The following DISC1 variants were observed in gnomAD, a reference collection of about 807,000 sequenced individuals.
The protein encoded by DISC1 is DISC1 scaffold protein.
In DISC1, 57 loss-of-function variants were observed where a neutral mutation model predicts 84.5. That is an observed-to-expected ratio of 0.67 (90% confidence interval 0.55 to 0.84). The LOEUF (loss-of-function observed/expected upper bound fraction) is 0.84, where lower values mean the gene tolerates loss of function less well. Ranked by LOEUF, DISC1 falls within the 40% of genes least tolerant of loss-of-function variation. The pLI is 0.00. For synonymous variants in DISC1, 411 were observed against 415.2 expected (o/e 0.99, Z 0.12); for missense variants, 1,000 against 1,057.8 (o/e 0.95, Z 0.76).
intron 1 of DISC1, among the ~76,000 whole-genome samples, chr1:231,667,548 CT>C: frequency 6.6e-6 from 1 of 152,310 alleles, no homozygotes; most frequent in East Asian, 1.9e-4. Flanking sequence ...CCAATTCAGC[CT>C]TCTTACTGAC....
chr1:231,800,182 G>A lies in DISC1; in HGVS notation c.1764G>A (p.Leu588=), dbSNP rs1268141575. 4 of 1,612,070 alleles carry A rather than the reference G, an allele frequency of 2.5e-6. No individual in the cohort carries two copies. Among genetic ancestry groups the A allele is most frequent in the Non-Finnish European group, 3.4e-6 (4 of 1,179,698 alleles). The change falls in exon 8 of 13, where the codon TTG becomes TTA. Residue 588 remains leucine, a synonymous_variant. Coordinates refer to ENST00000439617, the MANE Select transcript of DISC1 (RefSeq NM_018662.3). ...ATATTGAAACCCAACTACCAGCCTT[G>A]CTTGAAGCCAAAATGCATGCCATAT... ...VNDIETQLPA[L]LEAKMHAISG... is the part of the protein sequence containing the mutation.
At chr1:231,912,457 G>A (rs2089285371) in intron 9 of DISC1, among the ~76,000 whole-genome samples, 1 of 152,214 alleles carries the variant, frequency 6.6e-6, no homozygotes, top group African/African-American at 2.4e-5. Context: ...TCCAGACCCT[G>A]TTTACCTGGG....
intron 6 of DISC1, among the ~76,000 whole-genome samples, chr1:231,772,344 CGAATGGGTA>C (rs1467322026): frequency 1.3e-5 from 2 of 152,078 alleles, no homozygotes; most frequent in Admixed American, 6.5e-5. Flanking sequence ...GAGTGGCACC[CGAATGGGTA>C]GATGAGCAGT....
At chr1:231,844,586 C>A (rs1469743408) in intron 9 of DISC1, among the ~76,000 whole-genome samples, 5 of 152,052 alleles carry the variant, frequency 3.3e-5, no homozygotes, top group African/African-American at 1.2e-4. Flanking sequence ...CAACTTGAAG[C>A]AAGTTGGGCG....
chr1:231,982,730 A>C (rs1366963723), intron 10 of DISC1, among the ~76,000 whole-genome samples: 1 of 152,020 alleles, frequency 6.6e-6, no homozygotes, highest in African/African-American at 2.4e-5. Flanking sequence ...ATTTCAGGTC[A>C]TTGCAGGCAG....
rs199709640 is a variant in DISC1, at chr1:231,850,840, C to T, written c.1981+32323C>T. 4.6e-5 allele frequency among the ~76,000 whole-genome samples: 7 copies of T among 152,164 alleles called. No individual in the cohort carries two copies. In the South Asian group the frequency reaches 6.2e-4, roughly 14 times the overall value. On this transcript the variant is annotated intron_variant, in intron 9 of 12. Coordinates refer to ENST00000439617, the MANE Select transcript of DISC1 (RefSeq NM_018662.3). ...ATCTCTTGCTTTTGGGAAAGTCCGA[C>T]GCTCTGGCTCTCTGCTATCTGTTCA...
chr1:231,904,023 A>G (rs1288561439), intron 9 of DISC1, among the ~76,000 whole-genome samples: 2 of 152,206 alleles, frequency 1.3e-5, no homozygotes, highest in Non-Finnish European at 2.9e-5. Context: ...CATGGGAGCC[A>G]GGACACTGGC....
intron 1 of DISC1, among the ~76,000 whole-genome samples, chr1:231,640,112 C>A (rs1202327939): frequency 6.6e-6 from 1 of 152,160 alleles, no homozygotes; most frequent in Non-Finnish European, 1.5e-5. Context: ...GCTTGAGGTT[C>A]TCAGAGAATT....
chr1:231,900,578 T>C (rs1454440053), intron 9 of DISC1, among the ~76,000 whole-genome samples: 2 of 152,218 alleles, frequency 1.3e-5, no homozygotes, highest in African/African-American at 4.8e-5. Context: ...TGAACCGTTA[T>C]ATTCGGTATA....
rs564061030 is a variant in DISC1 at position 231,816,076 on chromosome 1, G to A, written c.1793-2253G>A. Among the ~76,000 whole-genome samples the A allele has an allele frequency of 1.1e-4, 16 of 152,332 alleles. No homozygotes were observed. The East Asian group carries it at 2.7e-3, about 26-fold the overall frequency. On this transcript the variant is annotated intron_variant, in intron 8 of 12. Transcript: ENST00000439617. Reference sequence around the variant, plus strand: ...TTCTTGAAGGGACCATTTTACATGCGTGAGAGTTCCAGTTGCTCCATACCC... The same window carrying A: ...TTCTTGAAGGGACCATTTTACATGCATGAGAGTTCCAGTTGCTCCATACCC...
chr1:231,932,073 A>C (rs191168418), intron 9 of DISC1, among the ~76,000 whole-genome samples: 1 of 152,350 alleles, frequency 6.6e-6, no homozygotes, highest in Admixed American at 6.5e-5. Flanking sequence ...AGTCTCTAGC[A>C]TTAACTCAGT....
chr1:232,020,295 T>C (rs2103026810), intron 11 of DISC1, among the ~76,000 whole-genome samples: 1 of 152,096 alleles, frequency 6.6e-6, no homozygotes, highest in Admixed American at 6.6e-5. Flanking sequence ...TGAGCCGAGA[T>C]CACGCCATTG....
chr1:231,741,057 A>T (rs200749939), intron 3 of DISC1, among the ~76,000 whole-genome samples: 24 of 152,200 alleles, frequency 1.6e-4, no homozygotes, highest in Non-Finnish European at 2.9e-4. Context: ...GAGTGTTAGG[A>T]AGGTCGCTCT....
chr1:231,942,650 G>C (rs1405062834), intron 9 of DISC1, among the ~76,000 whole-genome samples: 1 of 152,120 alleles, frequency 6.6e-6, no homozygotes, highest in Non-Finnish European at 1.5e-5. Context: ...GGGCAACAGA[G>C]TGAGACTGTC....
chr1:231,691,389 C>T (rs975495042), intron 1 of DISC1, among the ~76,000 whole-genome samples: 1 of 151,740 alleles, frequency 6.6e-6, no homozygotes. Flanking sequence ...TGAGATTGTG[C>T]CACTGCACTC....
chr1:231,737,768 C>G (rs2072708442), intron 3 of DISC1, among the ~76,000 whole-genome samples: 2 of 152,252 alleles, frequency 1.3e-5, no homozygotes, highest in Non-Finnish European at 2.9e-5. Context: ...CTCCCTCGTT[C>G]TCATGCCTGA....
At chr1:232,002,638 C>CAA (rs200018127) in intron 10 of DISC1, among the ~76,000 whole-genome samples, 2 of 124,618 alleles carry the variant, frequency 1.6e-5, no homozygotes, top group South Asian at 2.4e-4. Context: ...CACACACACA[C>CAA]AAAAGCCAAT....
chr1:232,007,730 T>C (rs780036699), intron 10 of DISC1, among the ~76,000 whole-genome samples: 2 of 152,132 alleles, frequency 1.3e-5, no homozygotes, highest in Non-Finnish European at 2.9e-5. Flanking sequence ...AAAAGCATGA[T>C]TGGTTTTGAA....
chr1:231,815,392 T>C (rs1290648585), intron 8 of DISC1, among the ~76,000 whole-genome samples: 1 of 152,160 alleles, frequency 6.6e-6, no homozygotes, highest in Non-Finnish European at 1.5e-5. Context: ...TTTTGGCTGT[T>C]CTAGAACTTA....
Sources: gnomAD v4.1 joint callset for allele counts (sites outside exome capture counted in the v4.1 genomes callset) on GRCh38, gnomAD v4.1.1 for gene constraint, MANE v1.5 for transcripts, NCBI Gene and HGNC (gene_info 2026-07-23, HGNC 2026-07-21) for gene names.